The following PHACTR2 variants were observed in gnomAD, a reference collection of about 807,000 sequenced individuals.
PHACTR2 encodes phosphatase and actin regulator 2, also known as chromosome 6 open reading frame 56.
A neutral mutation model predicts 76.0 loss-of-function variants in PHACTR2; 30 were observed. The observed-to-expected ratio is 0.39, with a 90% CI of 0.30 to 0.54. PHACTR2 has a LOEUF of 0.54. Ranked by LOEUF, PHACTR2 falls within the 20% of genes least tolerant of loss-of-function variation. The probability of loss-of-function intolerance (pLI) is 0.61; values close to 1 mark genes in which losing one functional copy is unlikely to be tolerated. For synonymous variants in PHACTR2, 292 were observed against 292.5 expected, an observed-to-expected ratio of 1.00 and a Z score of 0.02; for missense variants, 696 against 781.1, an observed-to-expected ratio of 0.89 and a Z score of 1.30.
In PHACTR2 at chr6:143,774,514, G is replaced by A. The variant is rs1775228248; in HGVS notation, c.1589+299G>A. ...CAGTCTCTGTTGCAGCTACTCAACT[G>A]CGCTGCTGTAGCATAAAAGCAGCCA... On this transcript the variant is annotated intron_variant, in intron 8 of 12. Transcript: ENST00000440869. This position sits in a 1 kb window ranked among gnomAD's most constrained non-coding sequence, Gnocchi z 5.4. 6.6e-6 allele frequency among the ~76,000 whole-genome samples: 1 copy of A among 152,172 alleles called. No homozygotes were observed. Among genetic ancestry groups the A allele is most frequent in the African/African-American group, 2.4e-5 (1 of 41,434 alleles).
chr6:143,783,361 G>A lies in PHACTR2; in HGVS notation c.1707+81G>A, dbSNP rs1319848305. 33 of 766,274 alleles carry A rather than the reference G, an allele frequency of 4.3e-5. No individual in the cohort carries two copies. The highest frequency in any genetic ancestry group is 1.2e-4 in the Admixed American group (5 of 43,308). The allele number at this position is 766,274 out of a possible 1,614,324, so 47.5% of individuals were successfully genotyped here. On this transcript the variant is annotated intron_variant, in intron 10 of 12. Coordinates refer to ENST00000440869, the MANE Select transcript of PHACTR2 (RefSeq NM_001100164.2). This position sits in a 1 kb window ranked among gnomAD's most constrained non-coding sequence, Gnocchi z 5.2. ...AAAAATACTAATCCTCTCTGTATGT[G>A]TAAATCAGATGTTTAGAAATAATTA...
At chr6:143,555,689 G>T (rs1775163955) in intron 1 of PHACTR2, among the ~76,000 whole-genome samples, 1 of 151,942 alleles carries the variant, frequency 6.6e-6, no homozygotes, top group Admixed American at 6.6e-5. Context: ...AGATGATTAT[G>T]GTGTCAAAAT....
chr6:143,563,417 A>G (rs1227258208), intron 1 of PHACTR2, among the ~76,000 whole-genome samples: 2 of 152,050 alleles, frequency 1.3e-5, no homozygotes, highest in Non-Finnish European at 2.9e-5. Flanking sequence ...TAAGCCAGGC[A>G]TGGTGGCACA....
chr6:143,701,503 G>A (rs1372971052), intron 1 of PHACTR2, among the ~76,000 whole-genome samples: 1 of 152,184 alleles, frequency 6.6e-6, no homozygotes, highest in African/African-American at 2.4e-5. Context: ...CCTTGGATTA[G>A]CCCAATAAGT....
At chr6:143,779,469 C>T (rs539701975) in intron 9 of PHACTR2, among the ~76,000 whole-genome samples, 3 of 151,736 alleles carry the variant, frequency 2.0e-5, no homozygotes, top group South Asian at 2.1e-4. Context: ...CTGCCTCAGT[C>T]GTCCCGAGTA....
At position 143,664,442 on chromosome 6, in the gene PHACTR2, T is replaced by C. The variant is rs904716134; in HGVS notation, c.14-47574T>C. Among the ~76,000 whole-genome samples the C allele has an allele frequency of 2.6e-5, 4 of 152,190 alleles. No individual in the cohort carries two copies. Among genetic ancestry groups the C allele is most frequent in the South Asian group, 2.1e-4 (1 of 4,834 alleles). ...GGACTTACATTGCCATCTTAATTTG[T>C]GTCATCTTTTTAAGCATGCTCTTCT... On this transcript the variant is annotated intron_variant, in intron 1 of 11. Transcript: ENST00000305766. The surrounding 1 kb of genome is among the most constrained non-coding windows in gnomAD (Gnocchi z 5.1).
At position 143,656,363 on chromosome 6, in the gene PHACTR2, A is replaced by G. The variant is rs190267776; in HGVS notation, c.13+48041A>G. ...CAATCTTTTGGCTTCCCTGGGCCAC[A>G]TTGGAAGTAGAATTGTCTTGGGCCA... On this transcript the variant is annotated intron_variant, in intron 1 of 11. Transcript: ENST00000305766. The surrounding 1 kb of genome is among the most constrained non-coding windows in gnomAD (Gnocchi z 5.3). Among the ~76,000 whole-genome samples the G allele has an allele frequency of 6.6e-6, 1 of 152,338 alleles. No homozygotes were observed. The highest frequency in any genetic ancestry group is 2.1e-4 in the South Asian group (1 of 4,828).
rs1775932504 is a variant in PHACTR2, at chr6:143,608,852, A to G, written c.13+530A>G. ...TAGAGACATTAGTGGTCAATTGTGA[A>G]CCTTTAAAAATGTACTTATTTTTAG... On this transcript the variant is annotated intron_variant, in intron 1 of 11. Coordinates refer to the PHACTR2 transcript ENST00000305766. This position sits in a 1 kb window ranked among gnomAD's most constrained non-coding sequence, Gnocchi z 4.6. 6.6e-6 allele frequency among the ~76,000 whole-genome samples: 1 copy of G among 152,210 alleles called. No individual in the cohort carries two copies. Among genetic ancestry groups the G allele is most frequent in the Admixed American group, 6.5e-5 (1 of 15,288 alleles).
At chr6:143,568,486 G>C (rs1428863924) in intron 1 of PHACTR2, among the ~76,000 whole-genome samples, 1 of 152,190 alleles carries the variant, frequency 6.6e-6, no homozygotes, top group African/African-American at 2.4e-5. Flanking sequence ...ACTTAAGGAG[G>C]GAGAACCTGT....
In PHACTR2 at chr6:143,664,050, G is replaced by A. The variant is rs1014083652; in HGVS notation, c.14-47966G>A. 3.7e-4 allele frequency among the ~76,000 whole-genome samples: 57 copies of A among 152,028 alleles called. No homozygotes were observed. The highest frequency in any genetic ancestry group is 1.2e-3 in the African/African-American group (51 of 41,498). On this transcript the variant is annotated intron_variant, in intron 1 of 11. Transcript: ENST00000305766. This position sits in a 1 kb window ranked among gnomAD's most constrained non-coding sequence, Gnocchi z 5.1. ...TCCGTTTATCATTGTAATTCTGTTA[G>A]TTTTTGCTTTAGATATATATATGGT... is the stretch of plus-strand genomic sequence containing the variant.
rs1775955766 is a variant in PHACTR2 at position 143,610,310 on chromosome 6, A to C, written c.13+1988A>C. ...AAAAAAAAAAATCTGAAAAATCTGA[A>C]ATAACTTGGAGCACTACAGTTTCTC... On this transcript the variant is annotated intron_variant, in intron 1 of 11. Coordinates refer to the PHACTR2 transcript ENST00000305766. This position sits in a 1 kb window ranked among gnomAD's most constrained non-coding sequence, Gnocchi z 4.9. Among the ~76,000 whole-genome samples the C allele has an allele frequency of 6.6e-6, 1 of 152,216 alleles. No homozygotes were observed. The highest frequency in any genetic ancestry group is 1.5e-5 in the Non-Finnish European group (1 of 68,036).
chr6:143,797,594 G>A (rs972255219), intron 11 of PHACTR2, among the ~76,000 whole-genome samples: 3 of 152,142 alleles, frequency 2.0e-5, no homozygotes, highest in South Asian at 2.1e-4. Context: ...TTTGTATAAG[G>A]TGTAAGGAAG....
Position 143,731,874 on chromosome 6 carries a change from A to T in PHACTR2, c.215-17111A>T, listed in dbSNP as rs1281607108. 6.6e-6 allele frequency among the ~76,000 whole-genome samples: 1 copy of T among 152,216 alleles called. No individual in the cohort carries two copies. The highest frequency in any genetic ancestry group is 1.5e-5 in the Non-Finnish European group (1 of 68,044). On this transcript the variant is annotated intron_variant, in intron 2 of 12. Transcript: ENST00000440869. This position sits in a 1 kb window ranked among gnomAD's most constrained non-coding sequence, Gnocchi z 4.9. ...AAGATTTCTCTTTTGAAAGATTTAA[A>T]TAGCATATTCAATTTCTTTTATAGT... is the stretch of plus-strand genomic sequence containing the variant.
In PHACTR2 at chr6:143,611,363, A is replaced by G. The variant is rs1049229625; in HGVS notation, c.13+3041A>G. 2.6e-5 allele frequency among the ~76,000 whole-genome samples: 4 copies of G among 152,174 alleles called. No homozygotes were observed. Among genetic ancestry groups the G allele is most frequent in the African/African-American group, 9.7e-5 (4 of 41,428 alleles). On this transcript the variant is annotated intron_variant, in intron 1 of 11. Transcript: ENST00000305766. The surrounding 1 kb of genome is among the most constrained non-coding windows in gnomAD (Gnocchi z 4.4). ...TGATGTACATTCATTGAGTTTGAGA[A>G]GGTCACAGTCTGCCAGCTCCCTGCA...
rs1776579754 is a variant in PHACTR2, at chr6:143,827,926, T to C, written c.*4237T>C. ...GGGAGGCCAAGGTGGGTGGATCAGT[T>C]GAGGTCAGGAGTTCGAGACCAGCCT... On this transcript the variant is annotated 3_prime_UTR_variant, in exon 13 of 13. Coordinates refer to ENST00000440869, the MANE Select transcript of PHACTR2 (RefSeq NM_001100164.2). 1 of 152,006 alleles carries C rather than the reference T, an allele frequency of 6.6e-6. No individual in the cohort carries two copies. The highest frequency in any genetic ancestry group is 2.4e-5 in the African/African-American group (1 of 41,336). 9.4% of individuals were successfully genotyped at this position (152,006 alleles called of 1,614,324 possible).
rs1776519633 is a variant in PHACTR2, at chr6:143,639,101, T to C, written c.13+30779T>C. Among the ~76,000 whole-genome samples, 1 of 152,274 alleles carries C rather than the reference T, an allele frequency of 6.6e-6. No homozygotes were observed. Among genetic ancestry groups the C allele is most frequent in the Non-Finnish European group, 1.5e-5 (1 of 68,048 alleles). On this transcript the variant is annotated intron_variant, in intron 1 of 11. Transcript: ENST00000305766. This position sits in a 1 kb window ranked among gnomAD's most constrained non-coding sequence, Gnocchi z 5.0. ...GCTGATAAAGTCAGATGAATCTACA[T>C]ACTTATGCATAATTTTTTAACAGTG... is the stretch of plus-strand genomic sequence containing the variant.
intron 1 of PHACTR2, among the ~76,000 whole-genome samples, chr6:143,643,232 A>C (rs1324313121): frequency 6.6e-6 from 1 of 152,060 alleles, no homozygotes; most frequent in Non-Finnish European, 1.5e-5. Flanking sequence ...CTATCCCCTG[A>C]CTACTTGATT....
rs533714902 is a variant in PHACTR2, at chr6:143,814,895, G to C, written c.1922+7762G>C. Among the ~76,000 whole-genome samples the C allele has an allele frequency of 2.8e-4, 43 of 151,980 alleles. No individual in the cohort carries two copies. The East Asian group carries it at 3.3e-3, about 12-fold the overall frequency. Reference sequence around the variant, plus strand: ...GGGATTACAGGCGTGAGCCACCGCCGCCGGCCCATATAAGTATTTTTTAAA... The same window carrying C: ...GGGATTACAGGCGTGAGCCACCGCCCCCGGCCCATATAAGTATTTTTTAAA... On this transcript the variant is annotated intron_variant, in intron 12 of 12. Coordinates refer to ENST00000440869, the MANE Select transcript of PHACTR2 (RefSeq NM_001100164.2).
At chr6:143,609,898 T>C (rs1430736834) in intron 1 of PHACTR2, among the ~76,000 whole-genome samples, 1 of 152,240 alleles carries the variant, frequency 6.6e-6, no homozygotes, top group Non-Finnish European at 1.5e-5. Flanking sequence ...GGGGATGTTT[T>C]CACAATCTCT....
Sources: gnomAD v4.1 joint callset for allele counts (sites outside exome capture counted in the v4.1 genomes callset) on GRCh38, gnomAD v4.1.1 for gene constraint, Gnocchi (gnomAD v3.1) non-coding constraint, MANE v1.5 for transcripts, NCBI Gene and HGNC (gene_info 2026-07-23, HGNC 2026-07-21) for gene names.